TENM1: variants seen among roughly 807,000 people sequenced by gnomAD.
TENM1 encodes teneurin-1.
Under a neutral mutation model 174.8 loss-of-function variants are expected in TENM1, and 35 were observed. That is an observed-to-expected ratio of 0.20 (90% CI 0.15 to 0.27). The LOEUF is 0.27. TENM1 is among the 10% of genes least tolerant of loss of function. TENM1 has a pLI of 1.00. For synonymous variants in TENM1, 781 were observed against 798.7 expected (o/e 0.98, Z 0.37); for missense variants, 1,633 against 2,130.1 (o/e 0.77, Z 4.59).
chrX:124,560,214 T>TGTGC (rs1465520976), intron 14 of TENM1, among the ~76,000 whole-genome samples: 4 of 107,097 alleles, frequency 3.7e-5, no homozygotes, highest in Non-Finnish European at 7.7e-5. Flanking sequence ...TGTGTGTGTG[T>TGTGC]GTGTGTGTGT....
chrX:125,095,404 T>C, the TENM1 span, among the ~76,000 whole-genome samples: 1 of 111,942 alleles, frequency 8.9e-6, no homozygotes, highest in Non-Finnish European at 1.9e-5. Flanking sequence ...TCAGGTAAGT[T>C]TGGGCAACAG....
intron 22 of TENM1, among the ~76,000 whole-genome samples, chrX:124,453,993 C>A (rs1327549700): frequency 9.0e-6 from 1 of 111,330 alleles, no homozygotes; most frequent in African/African-American, 3.3e-5. Context: ...GAGTTTTTTT[C>A]TCCATATTAT....
the TENM1 span, among the ~76,000 whole-genome samples, chrX:125,051,344 T>C: frequency 9.1e-6 from 1 of 110,101 alleles, no homozygotes; most frequent in African/African-American, 3.3e-5. Context: ...AAAAAACTAC[T>C]TTAAAGTTCA....
At chrX:124,934,594 C>T (rs767816538) in intron 1 of TENM1, among the ~76,000 whole-genome samples, 8 of 111,881 alleles carry the variant, frequency 7.2e-5, no homozygotes, top group Non-Finnish European at 1.3e-4. Context: ...TTGTGAGGAA[C>T]TGCATTTCTT....
At chrX:124,642,394 C>T (rs1045635857) in intron 10 of TENM1, among the ~76,000 whole-genome samples, 1 of 112,041 alleles carries the variant, frequency 8.9e-6, no homozygotes, top group South Asian at 3.8e-4. Flanking sequence ...CGATAGCTCC[C>T]AGAGAAGACT....
the TENM1 span, among the ~76,000 whole-genome samples, chrX:125,028,174 T>G: frequency 8.9e-6 from 1 of 112,086 alleles, no homozygotes; most frequent in African/African-American, 3.2e-5. Context: ...CTGCACTGTT[T>G]GTAAAATTAA....
intron 20 of TENM1, among the ~76,000 whole-genome samples, chrX:124,488,870 C>T (rs753686813): frequency 2.3e-4 from 26 of 112,229 alleles, no homozygotes; most frequent in Non-Finnish European, 3.4e-4. Context: ...TACATGATGG[C>T]AAGGAGTGAG....
chrX:124,709,721 T>G, intron 4 of TENM1, among the ~76,000 whole-genome samples: 2 of 111,075 alleles, frequency 1.8e-5, no homozygotes, highest in Middle Eastern at 4.6e-3. Context: ...TTCACCAGAT[T>G]AGCATCAGGT....
chrX:124,615,976 A>C (rs1053835116), intron 11 of TENM1, among the ~76,000 whole-genome samples: 6 of 112,712 alleles, frequency 5.3e-5, no homozygotes, highest in Non-Finnish European at 3.7e-5. Flanking sequence ...CACACACACA[A>C]AAACTGTTTC....
At chrX:124,715,329 G>A (rs1056668786) in intron 4 of TENM1, among the ~76,000 whole-genome samples, 9 of 110,023 alleles carry the variant, frequency 8.2e-5, no homozygotes, top group South Asian at 3.8e-4. Flanking sequence ...AACAGGTGAC[G>A]CAGGAAATAC....
chrX:124,941,919 A>G (rs760480490), intron 1 of TENM1, among the ~76,000 whole-genome samples: 3 of 111,802 alleles, frequency 2.7e-5, no homozygotes, highest in South Asian at 3.7e-4. Flanking sequence ...CAGCAGGCAA[A>G]AGAGAATGAG....
intron 18 of TENM1, among the ~76,000 whole-genome samples, chrX:124,509,023 C>A (rs1360949602): frequency 9.0e-6 from 1 of 111,099 alleles, no homozygotes; most frequent in Admixed American, 9.6e-5. Context: ...TCCCTCCCCC[C>A]AGTGGAGGTT....
chrX:125,147,276 G>T, the TENM1 span, among the ~76,000 whole-genome samples: 1 of 108,746 alleles, frequency 9.2e-6, no homozygotes, highest in African/African-American at 3.3e-5. Context: ...ATCTACATAA[G>T]TATAGTATAT....
chrX:124,879,722 T>C (rs2057271089), intron 3 of TENM1, among the ~76,000 whole-genome samples: 1 of 112,442 alleles, frequency 8.9e-6, no homozygotes, highest in African/African-American at 3.2e-5. Flanking sequence ...TTATACTAAT[T>C]AACATTCCCA....
intron 19 of TENM1, among the ~76,000 whole-genome samples, chrX:124,500,797 G>T (rs935390067): frequency 8.9e-6 from 1 of 111,876 alleles, no homozygotes; most frequent in African/African-American, 3.2e-5. Flanking sequence ...TTGAAAGCCA[G>T]TGGGTGGTGC....
intron 3 of TENM1, among the ~76,000 whole-genome samples, chrX:124,798,210 A>G (rs962352175): frequency 9.0e-6 from 1 of 111,610 alleles, no homozygotes; most frequent in Non-Finnish European, 1.9e-5. Context: ...TATAACCCAT[A>G]ATGGGATTGC....
chrX:125,178,716 T>C, the TENM1 span, among the ~76,000 whole-genome samples: 1 of 111,453 alleles, frequency 9.0e-6, no homozygotes, highest in Non-Finnish European at 1.9e-5. Context: ...TAAACATGTT[T>C]TGGATTCACT....
chrX:124,894,202 TG>T, intron 3 of TENM1, 93 bp downstream of exon 6: 4 of 624,175 alleles, frequency 6.4e-6, no homozygotes, highest in Non-Finnish European at 1.0e-5. Flanking sequence ...GTATGTTGTT[TG>T]TCAGAGAAGC....
In TENM1 at chrX:124,959,005, T is replaced by C. The variant is rs1231006492; in HGVS notation, c.217+4532A>G. 7.2e-5 allele frequency among the ~76,000 whole-genome samples: 8 copies of C among 111,503 alleles called. No homozygotes were observed. In the Admixed American group the frequency reaches 7.7e-4, roughly 11 times the overall value. On this transcript the variant is annotated intron_variant, in intron 1 of 31. Coordinates refer to ENST00000422452, the Ensembl canonical transcript of TENM1. ...TAGCAGGTGCCCAATCAACATTTTG[T>C]TTGCATTCATCCTTCCTGATCTAAA...
Sources: gnomAD v4.1 joint callset for allele counts (sites outside exome capture counted in the v4.1 genomes callset) on GRCh38, gnomAD v4.1.1 for gene constraint, MANE v1.5 for transcripts, NCBI Gene and HGNC (gene_info 2026-07-23, HGNC 2026-07-21) for gene names.